GLI4: variants seen among roughly 807,000 people sequenced by gnomAD.
The protein encoded by GLI4 is zinc finger protein GLI4.
GLI4 carries 34 observed loss-of-function variants against 30.9 expected under a neutral mutation model. That is an observed-to-expected ratio of 1.10 (90% confidence interval 0.84 to 1.47). GLI4 has a LOEUF of 1.47. GLI4 is among the 40% of genes most tolerant of loss of function. GLI4 has a pLI of 0.00. For synonymous variants in GLI4, 277 were observed against 236.7 expected, an observed-to-expected ratio of 1.17 and a Z score of -1.56; for missense variants, 696 against 538.9, an observed-to-expected ratio of 1.29 and a Z score of -2.89.
intron 1 of GLI4, among the ~76,000 whole-genome samples, chr8:143,269,107 GCTGGGATTA>G (rs1395599492): frequency 2.0e-5 from 3 of 152,176 alleles, no homozygotes; most frequent in Non-Finnish European, 2.9e-5. Flanking sequence ...CTCACAAAGT[GCTGGGATTA>G]CAGGCATGAG....
chr8:143,274,177 G>A (rs1586728718), intron 2 of GLI4, among the ~76,000 whole-genome samples: 1 of 152,212 alleles, frequency 6.6e-6, no homozygotes, highest in South Asian at 2.1e-4. Context: ...GGGCCAGTGC[G>A]CTGGGCCTGC....
intron 1 of GLI4, among the ~76,000 whole-genome samples, chr8:143,268,861 G>GC (rs71313286): frequency 5.9e-5 from 9 of 152,160 alleles, no homozygotes; most frequent in African/African-American, 1.9e-4. Flanking sequence ...TGCTGCTGCT[G>GC]TTGTTTGAGT....
intron 2 of GLI4, among the ~76,000 whole-genome samples, chr8:143,269,933 G>A (rs970334512): frequency 6.6e-6 from 1 of 152,206 alleles, no homozygotes; most frequent in African/African-American, 2.4e-5. Flanking sequence ...CCCGGGACTC[G>A]CAGGGACAGA....
At position 143,275,991 on chromosome 8, in the gene GLI4, C is replaced by T. The variant is rs1815375981; in HGVS notation, c.318C>T (p.Ser106=). The change falls in exon 4 of 4, where the codon AGC becomes AGT. Residue 106 remains serine, a synonymous_variant. Transcript: ENST00000340042. Reference sequence around the variant, plus strand: ...GGGCGCTGCGCAGCCTCCTGAGGAGCCTTCCCCGCAGGGCCCGGTGCAGCG... The same window carrying T: ...GGGCGCTGCGCAGCCTCCTGAGGAGTCTTCCCCGCAGGGCCCGGTGCAGCG... The part of the protein sequence containing the change: ...AGGALRSLLR[S]LPRRARCSAG... 1 of 1,402,970 alleles carries T rather than the reference C, an allele frequency of 7.1e-7. No individual in the cohort carries two copies. The highest frequency in any genetic ancestry group is 3.0e-5 in the East Asian group (1 of 32,980). 86.9% of individuals were successfully genotyped at this position (1,402,970 alleles called of 1,614,324 possible).
In GLI4 at chr8:143,274,740, C is replaced by T. The variant is rs1397023827; in HGVS notation, c.161C>T (p.Pro54Leu). 5 of 1,568,782 alleles carry T rather than the reference C, an allele frequency of 3.2e-6. No individual in the cohort carries two copies. Among genetic ancestry groups the T allele is most frequent in the African/African-American group, 1.4e-5 (1 of 73,468 alleles). The change falls in exon 3 of 4, where the codon CCG (proline) becomes CTG (leucine). Residue 54 changes from proline to leucine, a missense_variant. Transcript: ENST00000340042. Reference sequence around the variant, plus strand: ...TCCAGCCCTAAGGTGCTCTCCCAGCCGTCCGACCTGGATCTCCAAGACGTA... The same window carrying T: ...TCCAGCCCTAAGGTGCTCTCCCAGCTGTCCGACCTGGATCTCCAAGACGTA... Reference protein sequence around the residue: ...PGSSPKVLSQPSDLDLQDVEE... With the variant: ...PGSSPKVLSQLSDLDLQDVEE...
chr8:143,269,373 C>G lies in GLI4; in HGVS notation c.-24C>G. 1 of 1,607,474 alleles carries G rather than the reference C, an allele frequency of 6.2e-7. No individual in the cohort carries two copies. The highest frequency in any genetic ancestry group is 1.1e-5 in the South Asian group (1 of 90,878). On this transcript the variant is annotated 5_prime_UTR_variant, in exon 2 of 4. Coordinates refer to ENST00000340042, the MANE Select transcript of GLI4 (RefSeq NM_138465.4). ...CATTTTCCCCAGGTCCCAGGTGTGA[C>G]ACCTTCAGCAGGTCTCAGGGAAGAT...
intron 2 of GLI4, among the ~76,000 whole-genome samples, chr8:143,274,303 G>C (rs1313644067): frequency 6.6e-6 from 1 of 152,246 alleles, no homozygotes; most frequent in East Asian, 1.9e-4. Flanking sequence ...GGGTGTGGGA[G>C]CCTGCAGGGC....
In GLI4 at chr8:143,275,924, C is replaced by T; in HGVS notation, c.251C>T (p.Pro84Leu). ...PDSEPKPEQA[P>L]RSPGSQAPDE... ...TCCGAGCCCAAGCCGGAGCAGGCTC[C>T]ACGCTCTCCTGGCTCTCAGGCCCCT... Residue 84 changes from proline (P) to leucine (L), a missense_variant, in exon 4 of 4, where the codon CCA becomes CTA. Coordinates refer to ENST00000340042, the MANE Select transcript of GLI4 (RefSeq NM_138465.4). The T allele has an allele frequency of 1.5e-6, 2 of 1,314,410 alleles. No individual in the cohort carries two copies. The highest frequency in any genetic ancestry group is 6.1e-5 in the East Asian group (2 of 32,794). The allele number at this position is 1,314,410 out of a possible 1,614,324, so 81.4% of individuals were successfully genotyped here.
chr8:143,274,473 A>G (rs576742200), intron 2 of GLI4: 68 of 368,652 alleles, frequency 1.8e-4, no homozygotes, highest in Non-Finnish European at 3.0e-4. Flanking sequence ...CTGAAGGGGA[A>G]TGAGCTCCCA....
chr8:143,275,016 C>T, intron 3 of GLI4: 1 of 1,517,254 alleles, frequency 6.6e-7, no homozygotes, highest in South Asian at 1.2e-5. Flanking sequence ...GACTGCAGCC[C>T]ACAGCCACCT....
In GLI4 at chr8:143,276,490, G is replaced by T. The variant is rs570915626; in HGVS notation, c.817G>T (p.Gly273Cys). ...GAAGCCCTACAAGTGCGGCGAGTGC[G>T]GCCAGGCCTTCAGCCAGAGCTCCAA... is the stretch of plus-strand genomic sequence containing the variant. ...GEKPYKCGEC[G>C]QAFSQSSNLV... The change falls in exon 4 of 4, where the codon GGC becomes TGC. Residue 273 changes from glycine (G) to cysteine (C), a missense_variant. Coordinates refer to ENST00000340042, the MANE Select transcript of GLI4 (RefSeq NM_138465.4). 3 of 1,613,052 alleles carry T rather than the reference G, an allele frequency of 1.9e-6. No individual in the cohort carries two copies. Among genetic ancestry groups the T allele is most frequent in the Non-Finnish European group, 1.7e-6 (2 of 1,179,846 alleles).
chr8:143,275,977 A>G lies in GLI4; in HGVS notation c.304A>G (p.Ser102Gly). 1 of 1,358,338 alleles carries G rather than the reference A, an allele frequency of 7.4e-7. No individual in the cohort carries two copies. The highest frequency in any genetic ancestry group is 9.5e-7 in the Non-Finnish European group (1 of 1,056,114). 84.1% of individuals were successfully genotyped at this position (1,358,338 alleles called of 1,614,324 possible). A position where few individuals can be genotyped will look rare whatever the true frequency, so the allele number is the denominator to read the frequency against. Residue 102 changes from serine to glycine, a missense_variant, in exon 4 of 4, where the codon AGC becomes GGC. Physicochemically the swap from Ser to Gly is moderately conservative, Grantham distance 56. Transcript: ENST00000340042. The stretch of plus-strand genomic sequence containing the variant: ...CGAGGGGGCGGGCGGGGCGCTGCGC[A>G]GCCTCCTGAGGAGCCTTCCCCGCAG... ...PDEGAGGALRSLLRSLPRRAR... is the reference protein window; with the variant it reads ...PDEGAGGALRGLLRSLPRRAR...
At chr8:143,274,605 C>T in intron 2 of GLI4, 99 bp from the exon 3 acceptor site, 2 of 1,240,528 alleles carry the variant, frequency 1.6e-6, no homozygotes, top group East Asian at 2.7e-5. Flanking sequence ...AGGAGGTGTC[C>T]TGTGTCAGGG....
intron 2 of GLI4, chr8:143,272,286 G>C (rs1034002062): frequency 2.0e-5 from 3 of 152,344 alleles, no homozygotes; most frequent in Non-Finnish European, 4.4e-5. Flanking sequence ...CTGGACTCTA[G>C]GTTCCCACAG....
At chr8:143,270,998 C>T (rs1408017800) in intron 2 of GLI4, among the ~76,000 whole-genome samples, 2 of 152,060 alleles carry the variant, frequency 1.3e-5, no homozygotes, top group African/African-American at 4.8e-5. Flanking sequence ...CCAGCCCTGT[C>T]TCCACCAGCT....
chr8:143,276,884 A>ACCGTGG lies in GLI4; in HGVS notation c.*80_*81insCCGTGG. On this transcript the variant is annotated 3_prime_UTR_variant, in exon 4 of 4. Transcript: ENST00000340042. ...CCGTCCCCCACGGTGGGCACTGCCC[A>ACCGTGG]GCACCGCATGCCACGTGTCCGGAAT... is the stretch of plus-strand genomic sequence containing the variant. 1 of 850,182 alleles carries ACCGTGG rather than the reference A, an allele frequency of 1.2e-6. No individual in the cohort carries two copies. The highest frequency in any genetic ancestry group is 1.8e-6 in the Non-Finnish European group (1 of 563,752). 52.7% of individuals were successfully genotyped at this position (850,182 alleles called of 1,614,324 possible).
intron 2 of GLI4, among the ~76,000 whole-genome samples, chr8:143,269,900 C>T (rs1316046278): frequency 6.6e-6 from 1 of 152,240 alleles, no homozygotes; most frequent in Non-Finnish European, 1.5e-5. Context: ...AGAGTCCTTG[C>T]CAAGCTGGTT....
At position 143,276,150 on chromosome 8, in the gene GLI4, C is replaced by T. The variant is rs749278881; in HGVS notation, c.477C>T (p.Pro159=). Residue 159 remains proline, a synonymous_variant, in exon 4 of 4, where the codon CCC becomes CCT. Transcript: ENST00000340042. ...CAGCGGCCGGGCCCGAGGGTGCGCCCGAGCGGGCTGCCGAGCTGGGAGTCA... is the reference window on the plus strand; with the variant it reads ...CAGCGGCCGGGCCCGAGGGTGCGCCTGAGCGGGCTGCCGAGCTGGGAGTCA... ...QQAAAGPEGA[P]ERAAELGVNF... The T allele has an allele frequency of 5.8e-6, 9 of 1,546,434 alleles. No individual in the cohort carries two copies. The African/African-American group carries it at 8.2e-5, about 14-fold the overall frequency.
intron 2 of GLI4, among the ~76,000 whole-genome samples, chr8:143,271,852 C>A (rs1815275271): frequency 6.6e-6 from 1 of 152,216 alleles, no homozygotes; most frequent in Non-Finnish European, 1.5e-5. Flanking sequence ...GACTTGGGGC[C>A]ATGGCCTAGC....
Sources: allele counts gnomAD v4.1 joint callset (sites outside exome capture counted in the v4.1 genomes callset), GRCh38; gene constraint gnomAD v4.1.1; transcripts MANE v1.5; gene names NCBI Gene and HGNC (gene_info 2026-07-23, HGNC 2026-07-21).